RBMS3: variants seen among roughly 807,000 people sequenced by gnomAD.
RBMS3 encodes the protein RNA binding motif single stranded interacting protein 3, also known as RNA-binding motif, single-stranded-interacting protein 3.
In RBMS3, 27 loss-of-function variants were observed where a neutral mutation model predicts 66.8. The observed-to-expected ratio is 0.40, with a 90% CI of 0.30 to 0.56. The LOEUF (loss-of-function observed/expected upper bound fraction) is 0.56. RBMS3 is among the 20% of genes least tolerant of loss of function. The pLI is 0.40. For synonymous variants in RBMS3, 188 were observed against 183.0 expected, an observed-to-expected ratio of 1.03 and a Z score of -0.22; for missense variants, 513 against 549.5, an observed-to-expected ratio of 0.93 and a Z score of 0.66.
intron 4 of RBMS3, among the ~76,000 whole-genome samples, chr3:29,700,346 T>G (rs888534887): frequency 4.6e-5 from 7 of 152,208 alleles, no homozygotes; most frequent in African/African-American, 1.7e-4. Context: ...GTTGCAGAAT[T>G]AACGCCAAAC....
intron 3 of RBMS3, among the ~76,000 whole-genome samples, chr3:29,524,883 T>C: frequency 6.6e-6 from 1 of 152,014 alleles, no homozygotes; most frequent in East Asian, 1.9e-4. Flanking sequence ...TGAGACATTG[T>C]CTCTAAAAAA....
chr3:29,386,403 G>A (rs904397046), intron 1 of RBMS3, among the ~76,000 whole-genome samples: 1 of 152,078 alleles, frequency 6.6e-6, no homozygotes, highest in African/African-American at 2.4e-5. Context: ...TCAATGGAAA[G>A]AGAACTTCAA....
intron 4 of RBMS3, among the ~76,000 whole-genome samples, chr3:29,671,739 A>G (rs1674864321): frequency 6.6e-6 from 1 of 152,210 alleles, no homozygotes; most frequent in Non-Finnish European, 1.5e-5. Context: ...GAGAAAAAAG[A>G]GTAAAAAGCA....
intron 1 of RBMS3, among the ~76,000 whole-genome samples, chr3:29,332,790 T>C (rs1240399081): frequency 6.6e-6 from 1 of 152,170 alleles, no homozygotes; most frequent in African/African-American, 2.4e-5. Flanking sequence ...TTTCAGAATC[T>C]TGCCCCAAAT....
Position 29,548,867 on chromosome 3 carries a change from A to G in RBMS3, c.308-38247A>G, listed in dbSNP as rs148169781. Among the ~76,000 whole-genome samples, 1,089 of 152,242 alleles carry G rather than the reference A, an allele frequency of 7.2e-3. 11 individuals are homozygous for G. Among genetic ancestry groups the G allele is most frequent in the African/African-American group, 0.022 (902 of 41,544 alleles). On this transcript the variant is annotated intron_variant, in intron 3 of 14. Transcript: ENST00000383767. ...GAAAAAACAATATGCCAAGCTTAAGAAAGAGAATTTTGGCCAATAATTGTT... is the reference window on the plus strand; with the variant it reads ...GAAAAAACAATATGCCAAGCTTAAGGAAGAGAATTTTGGCCAATAATTGTT...
At chr3:29,985,366 G>T (rs1422199969) in intron 12 of RBMS3, among the ~76,000 whole-genome samples, 1 of 151,910 alleles carries the variant, frequency 6.6e-6, no homozygotes, top group Non-Finnish European at 1.5e-5. Context: ...GGGAGTGAAT[G>T]GTTTGTCTCA....
chr3:29,809,749 T>C (rs1247665095), intron 6 of RBMS3, among the ~76,000 whole-genome samples: 1 of 151,988 alleles, frequency 6.6e-6, no homozygotes, highest in African/African-American at 2.4e-5. Flanking sequence ...CTGATGACTA[T>C]GATGATTAAC....
At chr3:29,493,138 AT>A (rs1416502279) in intron 3 of RBMS3, among the ~76,000 whole-genome samples, 1 of 152,248 alleles carries the variant, frequency 6.6e-6, no homozygotes, top group Non-Finnish European at 1.5e-5. Context: ...TATGGAGCAT[AT>A]ACAACTGTTA....
At chr3:29,939,612 TC>T (rs1213849863) in intron 11 of RBMS3, among the ~76,000 whole-genome samples, 1 of 151,852 alleles carries the variant, frequency 6.6e-6, no homozygotes, top group Non-Finnish European at 1.5e-5. Context: ...TCCCAAGAAC[TC>T]CCAGTTTGTG....
chr3:29,357,554 G>T (rs2037299086), intron 1 of RBMS3, among the ~76,000 whole-genome samples: 1 of 152,068 alleles, frequency 6.6e-6, no homozygotes, highest in South Asian at 2.1e-4. Context: ...ATTCCTTTGG[G>T]TATATACCCA....
intron 12 of RBMS3, among the ~76,000 whole-genome samples, chr3:29,957,791 A>G (rs960890874): frequency 1.3e-5 from 2 of 152,160 alleles, no homozygotes; most frequent in Non-Finnish European, 2.9e-5. Flanking sequence ...TACTCTTTTC[A>G]TCGCCAAGAT....
chr3:29,971,689 C>T (rs190023593), intron 12 of RBMS3, among the ~76,000 whole-genome samples: 220 of 152,138 alleles, frequency 1.4e-3, no homozygotes, highest in Non-Finnish European at 1.1e-3. Context: ...CCAACCATAA[C>T]GAATTAGGCA....
At chr3:29,898,445 T>C (rs1004534192) in intron 9 of RBMS3, among the ~76,000 whole-genome samples, 3 of 151,604 alleles carry the variant, frequency 2.0e-5, no homozygotes, top group Non-Finnish European at 4.4e-5. Context: ...AGTTTTGCCT[T>C]GTTCAGTCAC....
chr3:29,377,584 G>C (rs1395243488), intron 1 of RBMS3, among the ~76,000 whole-genome samples: 1 of 152,166 alleles, frequency 6.6e-6, no homozygotes, highest in African/African-American at 2.4e-5. Context: ...CCTCTGAGCA[G>C]TTTATCTCTA....
At chr3:29,295,119 C>A (rs2033133530) in intron 1 of RBMS3, among the ~76,000 whole-genome samples, 1 of 151,268 alleles carries the variant, frequency 6.6e-6, no homozygotes. Context: ...AAAACAATAA[C>A]CCTGTTGTGG....
chr3:29,578,430 G>C (rs1163842450), intron 3 of RBMS3, among the ~76,000 whole-genome samples: 1 of 152,124 alleles, frequency 6.6e-6, no homozygotes, highest in Non-Finnish European at 1.5e-5. Flanking sequence ...AAGTGGGATG[G>C]AGAAAAGTAA....
chr3:29,286,151 T>TC (rs1421216441), intron 1 of RBMS3, among the ~76,000 whole-genome samples: 1 of 152,142 alleles, frequency 6.6e-6, no homozygotes, highest in East Asian at 1.9e-4. Context: ...TTCTTTCGCT[T>TC]CGGGGGGTAA....
intron 4 of RBMS3, among the ~76,000 whole-genome samples, chr3:29,644,828 C>T (rs1386252096): frequency 6.6e-6 from 1 of 152,132 alleles, no homozygotes; most frequent in Non-Finnish European, 1.5e-5. Flanking sequence ...TACTTCAATC[C>T]ACTAAGGTCA....
At chr3:29,603,847 C>G (rs546476426) in intron 4 of RBMS3, among the ~76,000 whole-genome samples, 13 of 152,022 alleles carry the variant, frequency 8.6e-5, no homozygotes, top group Admixed American at 3.3e-4. Flanking sequence ...ACACCTGAAC[C>G]ACTGCTTTAG....
Sources: allele counts gnomAD v4.1 joint callset (sites outside exome capture counted in the v4.1 genomes callset), GRCh38; gene constraint gnomAD v4.1.1; transcripts MANE v1.5; gene names NCBI Gene and HGNC (gene_info 2026-07-23, HGNC 2026-07-21).